PDE5A: variants seen among roughly 807,000 people sequenced by gnomAD.
PDE5A encodes the protein cGMP-specific 3',5'-cyclic phosphodiesterase.
PDE5A carries 67 observed loss-of-function variants against 110.2 expected under a neutral mutation model. That is an observed-to-expected ratio of 0.61 (90% CI 0.50 to 0.75). The LOEUF (loss-of-function observed/expected upper bound fraction) is 0.75, where lower values mean the gene tolerates loss of function less well. PDE5A is among the 30% of genes least tolerant of loss of function. The probability of loss-of-function intolerance (pLI) is 0.00; values close to 1 mark genes in which losing one functional copy is unlikely to be tolerated. For synonymous variants in PDE5A, 328 were observed against 351.2 expected (o/e 0.93, Z 0.74); for missense variants, 862 against 1,045.1 (o/e 0.82, Z 2.42).
intron 11 of PDE5A, 95 bp downstream of exon 11, chr4:119,538,865 A>T: frequency 1.1e-6 from 1 of 920,984 alleles, no homozygotes; most frequent in Non-Finnish European, 1.8e-6. Context: ...AGAGTTAATT[A>T]AACATTTTTA....
intron 3 of PDE5A, among the ~76,000 whole-genome samples, chr4:119,586,785 T>C (rs976387167): frequency 6.6e-6 from 1 of 152,218 alleles, no homozygotes; most frequent in African/African-American, 2.4e-5. Context: ...ATGGTTATCT[T>C]GAAATTACCA....
intron 7 of PDE5A, among the ~76,000 whole-genome samples, chr4:119,558,842 G>A (rs1175443159): frequency 3.3e-5 from 5 of 149,624 alleles, no homozygotes; most frequent in East Asian, 3.9e-4. Context: ...GCGTGAACCC[G>A]GGAGGCGGAG....
intron 3 of PDE5A, among the ~76,000 whole-genome samples, chr4:119,577,685 C>T (rs898049366): frequency 1.3e-5 from 2 of 152,112 alleles, no homozygotes; most frequent in African/African-American, 2.4e-5. Context: ...TGGGACGTAT[C>T]TCAAAATAAT....
chr4:119,560,364 C>T lies in PDE5A; in HGVS notation c.1132-1G>A. 6.3e-7 allele frequency: 1 copy of T among 1,578,398 alleles called. No homozygotes were observed. The highest frequency in any genetic ancestry group is 8.6e-7 in the Non-Finnish European group (1 of 1,160,646). ...TGTGAAACACACTAGAAAAAGAATCCTAAAAACAGACAACACAGGCTGAGA... is the reference window on the plus strand; with the variant it reads ...TGTGAAACACACTAGAAAAAGAATCTTAAAAACAGACAACACAGGCTGAGA... On this transcript the variant is annotated splice_acceptor_variant, in intron 6 of 20. Transcript: ENST00000354960. LOFTEE classifies it high-confidence loss of function.
chr4:119,617,613 T>C (rs1729986107), intron 1 of PDE5A, among the ~76,000 whole-genome samples: 1 of 152,070 alleles, frequency 6.6e-6, no homozygotes, highest in African/African-American at 2.4e-5. Context: ...AGAAGAAAAA[T>C]TGACAAGGCA....
chr4:119,542,558 A>C lies in PDE5A; in HGVS notation c.1473T>G (p.Phe491Leu). 6.2e-7 allele frequency: 1 copy of C among 1,614,030 alleles called. No homozygotes were observed. Among genetic ancestry groups the C allele is most frequent in the South Asian group, 1.1e-5 (1 of 91,074 alleles). ...VKPFNRNDEQ[F>L]LEAFVIFCGL... ...CACAAAAGATGACAAAAGCTTCCAG[A>C]AACTGTTCGTCATTTCGGTTGAAAG... Residue 491 changes from phenylalanine (F) to leucine (L), a missense_variant, in exon 10 of 21, where the codon TTT becomes TTG. By Grantham distance (22) the Phe-to-Leu change is conservative. Coordinates refer to ENST00000354960, the MANE Select transcript of PDE5A (RefSeq NM_001083.4).
At chr4:119,509,469 G>A (rs1408474400) in intron 15 of PDE5A, among the ~76,000 whole-genome samples, 1 of 151,974 alleles carries the variant, frequency 6.6e-6, no homozygotes, top group Non-Finnish European at 1.5e-5. Flanking sequence ...AGCCTCAGGT[G>A]CAAGTGCTCA....
intron 9 of PDE5A, chr4:119,543,045 T>TACACACACACAC (rs70944890): frequency 0.24 from 30,032 of 124,164 alleles, 4,520 homozygotes; most frequent in East Asian, 0.33. Context: ...AAGTTAAACA[T>TACACACACACAC]ACACACACAC....
intron 1 of PDE5A, among the ~76,000 whole-genome samples, chr4:119,615,859 A>G (rs1370309844): frequency 1.3e-5 from 2 of 152,178 alleles, no homozygotes; most frequent in African/African-American, 4.8e-5. Flanking sequence ...TTACAAAGCT[A>G]TTAATGAAAG....
chr4:119,503,296 AAT>A (rs1725432970), intron 18 of PDE5A, among the ~76,000 whole-genome samples: 1 of 152,152 alleles, frequency 6.6e-6, no homozygotes, highest in Non-Finnish European at 1.5e-5. Context: ...ACAAAAACAC[AAT>A]ATATATGTCA....
Position 119,607,197 on chromosome 4 carries a change from G to A in PDE5A, c.253C>T (p.Gln85Ter), listed in dbSNP as rs1729570716. 6.2e-7 allele frequency: 1 copy of A among 1,614,108 alleles called. No individual in the cohort carries two copies. Among genetic ancestry groups the A allele is most frequent in the Non-Finnish European group, 8.5e-7 (1 of 1,180,002 alleles). ...GCACTGTTATCTGCACGAGGACTCT[G>A]CTGCAAGGGACAAGAGCAAGATTCG... Reference protein sequence around the residue: ...HTESCSCPLQQSPRADNSAPG... With the variant: ...HTESCSCPLQ Residue 85 changes from glutamine to a stop codon, truncating the protein, a stop_gained, in exon 2 of 21, where the codon CAG (glutamine) becomes TAG (stop). Coordinates refer to ENST00000354960, the MANE Select transcript of PDE5A (RefSeq NM_001083.4). LOFTEE classifies it high-confidence loss of function.
At chr4:119,527,976 T>C (rs1726388033) in intron 11 of PDE5A, among the ~76,000 whole-genome samples, 1 of 152,070 alleles carries the variant, frequency 6.6e-6, no homozygotes, top group Admixed American at 6.6e-5. Context: ...TTAGTTTAGA[T>C]ATTAGTGTTT....
In PDE5A at chr4:119,517,915, G is replaced by A. The variant is rs562287669; in HGVS notation, c.2000+1130C>T. 2.6e-4 allele frequency among the ~76,000 whole-genome samples: 40 copies of A among 152,116 alleles called. No homozygotes were observed. In the South Asian group the frequency reaches 8.1e-3, roughly 31 times the overall value. ...TTATTCTGTGTCTGTGTGAGGCTCA[G>A]GATTGCAATCACATGACAAAGCACA... is the stretch of plus-strand genomic sequence containing the variant. On this transcript the variant is annotated intron_variant, in intron 14 of 20. Transcript: ENST00000354960.
chr4:119,615,975 C>A (rs1238360326), intron 1 of PDE5A, among the ~76,000 whole-genome samples: 1 of 152,200 alleles, frequency 6.6e-6, no homozygotes, highest in African/African-American at 2.4e-5. Context: ...TTTTACATCA[C>A]ATCCATATCT....
chr4:119,565,980 T>G (rs1578781810), intron 4 of PDE5A, among the ~76,000 whole-genome samples: 1 of 149,058 alleles, frequency 6.7e-6, no homozygotes, highest in Non-Finnish European at 1.5e-5. Flanking sequence ...TAATTAATAA[T>G]AATTAATAGT....
At position 119,606,724 on chromosome 4, in the gene PDE5A, G is replaced by A. The variant is rs377241756; in HGVS notation, c.726C>T (p.Ile242=). 16 of 1,613,258 alleles carry A rather than the reference G, an allele frequency of 9.9e-6. No homozygotes were observed. In the South Asian group the frequency reaches 1.2e-4, roughly 12 times the overall value. ...HVAALGEPLN[I]KDAYEDPRFN... ...CCCTGTTTACCTCATATGCATCTTT[G>A]ATGTTCAAGGGCTCACCAAGCGCTG... The change falls in exon 2 of 21, where the codon ATC becomes ATT. Residue 242 remains isoleucine, a synonymous_variant. Transcript: ENST00000354960.
chr4:119,496,770 T>C lies in PDE5A; in HGVS notation c.*1831A>G, dbSNP rs1725091267. The C allele has an allele frequency of 6.6e-6, 1 of 152,550 alleles. No homozygotes were observed. The highest frequency in any genetic ancestry group is 1.5e-5 in the Non-Finnish European group (1 of 67,994). The allele number at this position is 152,550 out of a possible 1,614,324, so 9.4% of individuals were successfully genotyped here. A position where few individuals can be genotyped will look rare whatever the true frequency, so the allele number is the denominator to read the frequency against. On this transcript the variant is annotated 3_prime_UTR_variant, in exon 21 of 21. Coordinates refer to ENST00000354960, the MANE Select transcript of PDE5A (RefSeq NM_001083.4). ...TTATTTTAGTGATAGTCTGTGTATT[T>C]TACACACCAGTGCCACAAAGGGGCA...
At chr4:119,612,376 A>T (rs759098478) in intron 1 of PDE5A, among the ~76,000 whole-genome samples, 1 of 152,168 alleles carries the variant, frequency 6.6e-6, no homozygotes. Flanking sequence ...TTAAAAGTAC[A>T]TGGTACCTCC....
At chr4:119,530,988 C>T (rs1274085765) in intron 11 of PDE5A, among the ~76,000 whole-genome samples, 3 of 152,082 alleles carry the variant, frequency 2.0e-5, no homozygotes, top group African/African-American at 7.2e-5. Context: ...AAATCAGTTA[C>T]AGCTTGTCTT....
Sources: gnomAD v4.1 joint callset for allele counts (sites outside exome capture counted in the v4.1 genomes callset) on GRCh38, gnomAD v4.1.1 for gene constraint, MANE v1.5 for transcripts, NCBI Gene and HGNC (gene_info 2026-07-23, HGNC 2026-07-21) for gene names.